Variants in ZSWIM5 observed in about 807,000 individuals in gnomAD.
ZSWIM5 encodes zinc finger SWIM domain-containing protein 5.
ZSWIM5 carries 55 observed loss-of-function variants against 119.6 expected under a neutral mutation model. The observed-to-expected ratio is 0.46, with a 90% CI of 0.37 to 0.58. The LOEUF (loss-of-function observed/expected upper bound fraction) is 0.58, where lower values mean the gene tolerates loss of function less well. Among genes scored for constraint, ZSWIM5 ranks in the 20% least tolerant of loss-of-function variants. The pLI is 0.00. For missense variants in ZSWIM5, 1,193 were observed against 1,512.8 expected, an observed-to-expected ratio of 0.79 and a Z score of 3.51; for synonymous variants, 537 against 606.9, an observed-to-expected ratio of 0.88 and a Z score of 1.69.
rs867324520 is a variant in ZSWIM5, at chr1:45,044,771, A to G, written c.1433-1376T>C. Among the ~76,000 whole-genome samples the G allele has an allele frequency of 1.8e-3, 7 of 3,852 alleles. 1 individual carries two copies. The highest frequency in any genetic ancestry group is 6.3e-3 in the Admixed American group (1 of 160). The allele number at this position is 3,852 out of a possible 152,430, so 2.5% of individuals were successfully genotyped here. A position where few individuals can be genotyped will look rare whatever the true frequency, so the allele number is the denominator to read the frequency against. On this transcript the variant is annotated intron_variant, in intron 5 of 13. Coordinates refer to ENST00000359600, the MANE Select transcript of ZSWIM5 (RefSeq NM_020883.2). ...AATATATATATATATATATATATATATATAAATATATATATATAAATATAT... is the reference window on the plus strand; with the variant it reads ...AATATATATATATATATATATATATGTATAAATATATATATATAAATATAT...
intron 1 of ZSWIM5, among the ~76,000 whole-genome samples, chr1:45,201,058 G>A (rs919745488): frequency 9.9e-5 from 15 of 152,098 alleles, no homozygotes; most frequent in Non-Finnish European, 1.9e-4. Context: ...TTATAAGAAG[G>A]CCATGTGAAA....
chr1:45,093,520 G>A (rs1383629683), intron 1 of ZSWIM5, among the ~76,000 whole-genome samples: 4 of 152,194 alleles, frequency 2.6e-5, no homozygotes, highest in Non-Finnish European at 4.4e-5. Flanking sequence ...AAATGTTTGG[G>A]CTCTGTCAGC....
chr1:45,128,364 T>C (rs906027753), intron 1 of ZSWIM5, among the ~76,000 whole-genome samples: 6 of 152,070 alleles, frequency 3.9e-5, no homozygotes, highest in Non-Finnish European at 7.4e-5. Flanking sequence ...GCTAGTTTTT[T>C]GTTTGTTTAA....
At chr1:45,034,543 C>T in intron 10 of ZSWIM5, 74 bp from the exon 11 acceptor site, 1 of 1,509,256 alleles carries the variant, frequency 6.6e-7, no homozygotes, top group Non-Finnish European at 8.9e-7. Flanking sequence ...GAAGCTTGCT[C>T]TTTGCTGGGG....
chr1:45,133,532 T>C (rs1645671638), intron 1 of ZSWIM5, among the ~76,000 whole-genome samples: 1 of 152,234 alleles, frequency 6.6e-6, no homozygotes, highest in Admixed American at 6.5e-5. Flanking sequence ...ATGGGTAGAT[T>C]GCAAAAATTT....
At position 45,115,045 on chromosome 1, in the gene ZSWIM5, T is replaced by G. The variant is rs532107790; in HGVS notation, c.596-26808A>C. Reference sequence around the variant, plus strand: ...AATGGAGTCTCCCATGTCCACCTCTTTCCACACAGACACAGTAACAATCCG... The same window carrying G: ...AATGGAGTCTCCCATGTCCACCTCTGTCCACACAGACACAGTAACAATCCG... On this transcript the variant is annotated intron_variant, in intron 1 of 13. Coordinates refer to ENST00000359600, the MANE Select transcript of ZSWIM5 (RefSeq NM_020883.2). 2.0e-5 allele frequency among the ~76,000 whole-genome samples: 3 copies of G among 152,248 alleles called. No individual in the cohort carries two copies. In the East Asian group the frequency reaches 5.8e-4, roughly 29 times the overall value.
chr1:45,157,639 C>T (rs777051097), intron 1 of ZSWIM5, among the ~76,000 whole-genome samples: 1 of 151,664 alleles, frequency 6.6e-6, no homozygotes, highest in East Asian at 1.9e-4. Flanking sequence ...ACCAAAACTG[C>T]TTTGAATATT....
Position 45,138,505 on chromosome 1 carries a change from C to CAAA in ZSWIM5, c.596-50271_596-50269dup, listed in dbSNP as rs759005534. Among the ~76,000 whole-genome samples, 9 of 54,910 alleles carry CAAA rather than the reference C, an allele frequency of 1.6e-4. 1 individual carries two copies. Among genetic ancestry groups the CAAA allele is most frequent in the African/African-American group, 5.5e-4 (9 of 16,230 alleles). The allele number at this position is 54,910 out of a possible 152,430, so 36.0% of individuals were successfully genotyped here. Reference sequence around the variant, plus strand: ...GGGAGACAAGAGTGAAACTCCATCTCAAAAAAAAAAAAAAAAAAAGAAAGG... The same window carrying CAAA: ...GGGAGACAAGAGTGAAACTCCATCTCAAAAAAAAAAAAAAAAAAAAAAGAAAGG... On this transcript the variant is annotated intron_variant, in intron 1 of 13. Transcript: ENST00000359600.
chr1:45,148,784 G>A (rs1186077982), intron 1 of ZSWIM5, among the ~76,000 whole-genome samples: 1 of 152,172 alleles, frequency 6.6e-6, no homozygotes, highest in Non-Finnish European at 1.5e-5. Flanking sequence ...GCCTCCCTCG[G>A]ATAGCTAATA....
chr1:45,137,534 T>A (rs1645696947), intron 1 of ZSWIM5, among the ~76,000 whole-genome samples: 1 of 151,978 alleles, frequency 6.6e-6, no homozygotes, highest in Non-Finnish European at 1.5e-5. Flanking sequence ...GTGGACAGGG[T>A]AGGCCTGCCT....
chr1:45,040,981 C>T (rs551638024), intron 6 of ZSWIM5, among the ~76,000 whole-genome samples: 29 of 152,164 alleles, frequency 1.9e-4, no homozygotes, highest in Non-Finnish European at 4.0e-4. Context: ...CCTCAAAGAG[C>T]TCACAAATGA....
Position 45,019,933 on chromosome 1 carries a change from C to T in ZSWIM5, c.2695+133G>A, listed in dbSNP as rs1257462591. The stretch of plus-strand genomic sequence containing the variant: ...ACCTTCTCCTACCAGCAGCCCCATC[C>T]TTTCTTAGGCCATCTCCTGATGGAC... On this transcript the variant is annotated intron_variant, in intron 13 of 13. Coordinates refer to ENST00000359600, the MANE Select transcript of ZSWIM5 (RefSeq NM_020883.2). This position sits in a 1 kb window ranked among gnomAD's most constrained non-coding sequence, Gnocchi z 5.0. 2.6e-6 allele frequency: 2 copies of T among 768,406 alleles called. No homozygotes were observed. The highest frequency in any genetic ancestry group is 2.1e-6 in the Non-Finnish European group (1 of 470,348). The allele number at this position is 768,406 out of a possible 1,614,324, so 47.6% of individuals were successfully genotyped here.
At position 45,036,169 on chromosome 1, in the gene ZSWIM5, C is replaced by T; in HGVS notation, c.2025G>A (p.Met675Ile). The T allele has an allele frequency of 6.2e-7, 1 of 1,614,098 alleles. No homozygotes were observed. The change falls in exon 9 of 14, where the codon ATG becomes ATA. Residue 675 changes from methionine to isoleucine, a missense_variant. Physicochemically the swap from Met to Ile is conservative, Grantham distance 10. Around this residue, in one of 2 missense-constraint regions of ZSWIM5, gnomAD observed 961 missense variants for 1,290.0 expected, o/e 0.74. Coordinates refer to ENST00000359600, the MANE Select transcript of ZSWIM5 (RefSeq NM_020883.2). Reference protein sequence around the residue: ...ALMGLGQQRLMPEGLYAQDKV... With the variant: ...ALMGLGQQRLIPEGLYAQDKV... ...TGTCCTGTGCGTAGAGGCCTTCAGG[C>T]ATTAACCTCTGTTGACCCAGGCCCA...
chr1:45,205,128 T>C (rs1045628413), intron 1 of ZSWIM5, among the ~76,000 whole-genome samples: 3 of 151,728 alleles, frequency 2.0e-5, no homozygotes, highest in South Asian at 4.2e-4. Context: ...GTATGGCTTT[T>C]TTTTTTTTTT....
rs554596458 is a variant in ZSWIM5 at position 45,059,258 on chromosome 1, T to A, written c.1102-499A>T. On this transcript the variant is annotated intron_variant, in intron 3 of 13. Transcript: ENST00000359600. Reference sequence around the variant, plus strand: ...ACTCAAATGTTCACTAACAGATGAATGGATAAATAAAACGTAGGGTATCCA... The same window carrying A: ...ACTCAAATGTTCACTAACAGATGAAAGGATAAATAAAACGTAGGGTATCCA... Among the ~76,000 whole-genome samples, 5 of 152,336 alleles carry A rather than the reference T, an allele frequency of 3.3e-5. 1 individual carries two copies. The South Asian group carries it at 1.0e-3, about 32-fold the overall frequency.
chr1:45,187,452 TAAAAC>T (rs895825670), intron 1 of ZSWIM5, among the ~76,000 whole-genome samples: 3 of 151,382 alleles, frequency 2.0e-5, no homozygotes, highest in Non-Finnish European at 3.0e-5. Flanking sequence ...AAATGAAACA[TAAAAC>T]AAAATATAAG....
intron 2 of ZSWIM5, among the ~76,000 whole-genome samples, chr1:45,076,057 C>T (rs1377873469): frequency 2.6e-5 from 4 of 152,078 alleles, no homozygotes; most frequent in Admixed American, 6.6e-5. Context: ...TTTGTTGTTA[C>T]TACTTTTATC....
chr1:45,032,627 A>C (rs1213670466), intron 11 of ZSWIM5, among the ~76,000 whole-genome samples: 3 of 151,598 alleles, frequency 2.0e-5, no homozygotes, highest in Non-Finnish European at 4.4e-5. Flanking sequence ...CTGGGACTAC[A>C]GGTGTGCACT....
At chr1:45,159,497 G>A (rs1405714715) in intron 1 of ZSWIM5, among the ~76,000 whole-genome samples, 1 of 152,008 alleles carries the variant, frequency 6.6e-6, no homozygotes, top group Admixed American at 6.5e-5. Context: ...TATTATTATT[G>A]TTAAAGAATG....
Sources: gnomAD v4.1 joint callset for allele counts (sites outside exome capture counted in the v4.1 genomes callset) on GRCh38, gnomAD v4.1.1 for gene constraint, gnomAD v4.1.1 regional missense constraint, Gnocchi (gnomAD v3.1) non-coding constraint, MANE v1.5 for transcripts, NCBI Gene and HGNC (gene_info 2026-07-23, HGNC 2026-07-21) for gene names.